Variants in PMFBP1 observed in about 807,000 individuals in gnomAD.
PMFBP1 encodes the protein polyamine modulated factor 1 binding protein 1.
Under a neutral mutation model 137.8 loss-of-function variants are expected in PMFBP1, and 131 were observed. That is an observed-to-expected ratio of 0.95 (90% confidence interval 0.82 to 1.10). The LOEUF (loss-of-function observed/expected upper bound fraction) is 1.10, where lower values mean the gene tolerates loss of function less well. Among genes scored for constraint, PMFBP1 ranks in the 50% least tolerant of loss-of-function variants. The pLI is 0.00. For missense variants in PMFBP1, 1,199 were observed against 1,175.4 expected (o/e 1.02, Z -0.29); for synonymous variants, 490 against 450.4 (o/e 1.09, Z -1.11).
the PMFBP1 span, among the ~76,000 whole-genome samples, chr16:72,227,371 T>G: frequency 6.6e-6 from 1 of 152,212 alleles, no homozygotes; most frequent in Admixed American, 6.5e-5. Context: ...AACTTTTTGT[T>G]ATGCTTCCAA....
chr16:72,161,972 T>C (rs1046052068), intron 3 of PMFBP1, among the ~76,000 whole-genome samples: 13 of 152,238 alleles, frequency 8.5e-5, no homozygotes, highest in African/African-American at 2.4e-5. Flanking sequence ...GTGTCCTCTG[T>C]ACACTTCAAA....
chr16:72,203,919 AG>A, the PMFBP1 span, among the ~76,000 whole-genome samples: 6 of 152,224 alleles, frequency 3.9e-5, no homozygotes, highest in African/African-American at 1.4e-4. Context: ...TCAGTCAGTC[AG>A]CAGGGGTCCT....
intron 6 of PMFBP1, among the ~76,000 whole-genome samples, chr16:72,139,989 A>C (rs2042691822): frequency 6.6e-6 from 1 of 152,218 alleles, no homozygotes; most frequent in Non-Finnish European, 1.5e-5. Flanking sequence ...TTATCATTAG[A>C]GATAAAACAA....
At chr16:72,191,258 G>T in the PMFBP1 span, among the ~76,000 whole-genome samples, 1 of 152,112 alleles carries the variant, frequency 6.6e-6, no homozygotes, top group Non-Finnish European at 1.5e-5. Context: ...TATAGTTAAA[G>T]GTGTTAAGAA....
chr16:72,249,629 G>C, the PMFBP1 span, among the ~76,000 whole-genome samples: 2 of 151,862 alleles, frequency 1.3e-5, no homozygotes, highest in African/African-American at 4.8e-5. Flanking sequence ...AAGAAATCAT[G>C]CATCAGGCCG....
At chr16:72,181,107 C>T (rs139136113), upstream of PMFBP1, among the ~76,000 whole-genome samples, 1,572 of 151,900 alleles carry the variant, frequency 0.01, 66 homozygotes, top group East Asian at 0.14. Flanking sequence ...GACGTGGTGG[C>T]GCGCGCCTGT....
At chr16:72,117,829 A>G (rs537121748), downstream of PMFBP1, among the ~76,000 whole-genome samples, 3 of 152,228 alleles carry the variant, frequency 2.0e-5, no homozygotes, top group Non-Finnish European at 4.4e-5. Context: ...GGCAACACTC[A>G]GTTTCCCTGC....
chr16:72,217,736 C>A, the PMFBP1 span, among the ~76,000 whole-genome samples: 1 of 152,084 alleles, frequency 6.6e-6, no homozygotes, highest in Non-Finnish European at 1.5e-5. Flanking sequence ...ACCTGTAATC[C>A]CAGCTACTCG....
chr16:72,171,456 C>T (rs2043219348), intron 1 of PMFBP1, 188 bp from the exon 2 acceptor site: 2 of 498,466 alleles, frequency 4.0e-6, no homozygotes, highest in Non-Finnish European at 3.6e-6. Flanking sequence ...GATGGCAGGA[C>T]CATGGTTTTA....
At chr16:72,118,870 C>T (rs2144207090), downstream of PMFBP1, among the ~76,000 whole-genome samples, 1 of 152,032 alleles carries the variant, frequency 6.6e-6, no homozygotes, top group South Asian at 2.1e-4. Context: ...AGTTTTTAGA[C>T]TTTCTCTTTT....
Position 72,126,142 on chromosome 16 carries a change from G to A in PMFBP1, c.2089-10C>T, listed in dbSNP as rs2042454360. ...CCTTCTGAAGGGCTATCTTTAAGGA[G>A]GGAGAGCAGAACTGTCAGGGTGCCA... On this transcript the variant is annotated splice_polypyrimidine_tract_variant and intron_variant, in intron 14 of 20. Transcript: ENST00000237353. 10 of 1,613,418 alleles carry A rather than the reference G, an allele frequency of 6.2e-6. No individual in the cohort carries two copies. The highest frequency in any genetic ancestry group is 8.5e-6 in the Non-Finnish European group (10 of 1,179,712).
the PMFBP1 span, among the ~76,000 whole-genome samples, chr16:72,241,188 C>T: frequency 6.6e-6 from 1 of 152,136 alleles, no homozygotes; most frequent in South Asian, 2.1e-4. Context: ...CACCTGCAGG[C>T]TCTCACCGAC....
downstream of PMFBP1, among the ~76,000 whole-genome samples, chr16:72,117,794 G>C (rs1173081713): frequency 6.6e-6 from 1 of 152,070 alleles, no homozygotes; most frequent in African/African-American, 2.4e-5. Flanking sequence ...CAATTCCTTG[G>C]TTATTTCTTA....
At position 72,171,377 on chromosome 16, in the gene PMFBP1, C is replaced by G. The variant is rs555397228; in HGVS notation, c.-60-109G>C. 4.3e-6 allele frequency: 3 copies of G among 694,070 alleles called. No homozygotes were observed. The Admixed American group carries it at 8.5e-5, about 20-fold the overall frequency. The allele number at this position is 694,070 out of a possible 1,614,324, so 43.0% of individuals were successfully genotyped here. A position where few individuals can be genotyped will look rare whatever the true frequency, so the allele number is the denominator to read the frequency against. ...TCAGCAAGAGGTTTGGAAAATTTTC[C>G]TGAACTGTTAGCAATACCCACTTGC... is the stretch of plus-strand genomic sequence containing the variant. On this transcript the variant is annotated intron_variant, in intron 1 of 20. Coordinates refer to ENST00000237353, the MANE Select transcript of PMFBP1 (RefSeq NM_031293.3).
intron 12 of PMFBP1, among the ~76,000 whole-genome samples, chr16:72,129,718 T>C (rs760869307): frequency 1.1e-4 from 17 of 152,260 alleles, no homozygotes; most frequent in Non-Finnish European, 5.9e-5. Context: ...AGGTTAACCA[T>C]TGAAAATGCT....
chr16:72,154,813 G>A (rs1271487472), intron 3 of PMFBP1, among the ~76,000 whole-genome samples: 1 of 152,170 alleles, frequency 6.6e-6, no homozygotes, highest in Admixed American at 6.5e-5. Context: ...TGACTTGGAA[G>A]GAAATGGATT....
At chr16:72,169,322 T>C (rs2043188542) in intron 2 of PMFBP1, among the ~76,000 whole-genome samples, 1 of 152,206 alleles carries the variant, frequency 6.6e-6, no homozygotes, top group Non-Finnish European at 1.5e-5. Context: ...ACATTTCACT[T>C]GTGTAATAGT....
the PMFBP1 span, among the ~76,000 whole-genome samples, chr16:72,212,024 A>G: frequency 6.6e-6 from 1 of 152,172 alleles, no homozygotes; most frequent in Non-Finnish European, 1.5e-5. Flanking sequence ...AAAATTAAAA[A>G]AAAAGTGGTA....
chr16:72,175,126 T>A (rs375991631), upstream of PMFBP1, among the ~76,000 whole-genome samples: 8 of 152,354 alleles, frequency 5.3e-5, no homozygotes, highest in East Asian at 1.5e-3. Flanking sequence ...GAGGACAGAA[T>A]GCTCACTTTC....
Sources: gnomAD v4.1 joint callset for allele counts (sites outside exome capture counted in the v4.1 genomes callset) on GRCh38, gnomAD v4.1.1 for gene constraint, MANE v1.5 for transcripts, NCBI Gene and HGNC (gene_info 2026-07-23, HGNC 2026-07-21) for gene names.